The following TDRKH variants were observed in gnomAD, a reference collection of about 807,000 sequenced individuals.
The protein encoded by TDRKH is tudor and KH domain-containing protein.
TDRKH carries 28 observed loss-of-function variants against 61.3 expected under a neutral mutation model. The observed-to-expected ratio is 0.46, with a 90% CI of 0.34 to 0.63. The LOEUF (loss-of-function observed/expected upper bound fraction) is 0.63. Ranked by LOEUF, TDRKH falls within the 20% of genes least tolerant of loss-of-function variation. TDRKH has a pLI of 0.01. For missense variants in TDRKH, 540 were observed against 683.4 expected (o/e 0.79, Z 2.34); for synonymous variants, 219 against 244.4 (o/e 0.90, Z 0.97).
At chr1:151,789,510 T>C (rs1217567558) in intron 1 of TDRKH, among the ~76,000 whole-genome samples, 1 of 152,208 alleles carries the variant, frequency 6.6e-6, no homozygotes, top group Non-Finnish European at 1.5e-5. Flanking sequence ...GAAGAGAAGA[T>C]GAGGATCATT....
At chr1:151,786,343 A>G (rs964743045) in intron 1 of TDRKH, among the ~76,000 whole-genome samples, 6 of 152,238 alleles carry the variant, frequency 3.9e-5, no homozygotes, top group Admixed American at 6.5e-5. Context: ...TCTGATAACC[A>G]AGATGGCTAC....
In TDRKH at chr1:151,776,508, G is replaced by C. The variant is rs772266615; in HGVS notation, c.975C>G (p.Ile325Met). Residue 325 changes from isoleucine to methionine, a missense_variant, in exon 7 of 13, where the codon ATC becomes ATG. Transcript: ENST00000368824. The part of the protein sequence containing the change: ...SEHPNHFWIQ[I>M]VGSRSLQLDK... ...CCAATTGCAGGCTGCGGGAGCCAAC[G>C]ATCTGGATCCAGAAGTGGTTAGGGT... The C allele has an allele frequency of 1.3e-5, 21 of 1,614,022 alleles. No homozygotes were observed. The South Asian group carries it at 2.1e-4, about 16-fold the overall frequency.
downstream of TDRKH, chr1:151,766,873 C>T: frequency 6.2e-7 from 1 of 1,611,266 alleles, no homozygotes; most frequent in Non-Finnish European, 8.5e-7. Context: ...AAGATGCTGC[C>T]TCGTTGTTAT....
At chr1:151,782,838 A>G (rs1649963079) in intron 2 of TDRKH, 61 bp downstream of exon 2, 13 of 1,483,028 alleles carry the variant, frequency 8.8e-6, no homozygotes, top group Non-Finnish European at 1.2e-5. Context: ...GTTTTTTTCA[A>G]TTTAACAAGG....
At chr1:151,772,610 C>T (rs1234294970), downstream of TDRKH, among the ~76,000 whole-genome samples, 1 of 152,172 alleles carries the variant, frequency 6.6e-6, no homozygotes, top group Admixed American at 6.5e-5. Context: ...CATTACTATA[C>T]ATTTATATTT....
In TDRKH at chr1:151,775,884, C is replaced by T. The variant is rs752477288; in HGVS notation, c.1218G>A (p.Arg406=). The stretch of plus-strand genomic sequence containing the variant: ...GAAATGGAAGGCTTAGGAAGTCACT[C>T]CTGAAGTAAAAGAAACTAAAATTAG... ...DCPLKDLRAL[R]SDFLSLPFQA... The change falls in exon 9 of 13, where the codon AGG becomes AGA. Residue 406 remains arginine (R), a splice_region_variant and synonymous_variant. Transcript: ENST00000368824. The T allele has an allele frequency of 1.5e-5, 24 of 1,611,552 alleles. No homozygotes were observed. The South Asian group carries it at 2.4e-4, about 16-fold the overall frequency.
At chr1:151,768,271 G>A (rs748020809), downstream of TDRKH, 20 of 1,579,550 alleles carry the variant, frequency 1.3e-5, no homozygotes, top group East Asian at 1.8e-4. Flanking sequence ...GAGGGAATAG[G>A]TAGGGGATTT....
Position 151,773,802 on chromosome 1 carries a change from C to G in TDRKH, c.*650G>C, listed in dbSNP as rs1345988212. ...ATTATGCTAATTTTTGCCTTTGCCT[C>G]CTGATTCAACTGGAGTCTTTGAGTT... On this transcript the variant is annotated 3_prime_UTR_variant, in exon 13 of 13. Transcript: ENST00000368824. The G allele has an allele frequency of 1.3e-5, 2 of 152,174 alleles. No individual in the cohort carries two copies. Among genetic ancestry groups the G allele is most frequent in the Non-Finnish European group, 2.9e-5 (2 of 68,038 alleles). The allele number at this position is 152,174 out of a possible 1,614,324, so 9.4% of individuals were successfully genotyped here. A position where few individuals can be genotyped will look rare whatever the true frequency, so the allele number is the denominator to read the frequency against.
At chr1:151,770,742 T>C (rs1781422), downstream of TDRKH, among the ~76,000 whole-genome samples, 150,346 of 152,358 alleles carry the variant, frequency 0.99, 74,214 homozygotes, top group East Asian at 1. Context: ...GCTTACTATG[T>C]CATCATTGTA....
chr1:151,779,950 C>G lies in TDRKH; in HGVS notation c.421+1G>C. 2 of 1,608,092 alleles carry G rather than the reference C, an allele frequency of 1.2e-6. No individual in the cohort carries two copies. Among genetic ancestry groups the G allele is most frequent in the South Asian group, 2.2e-5 (2 of 90,736 alleles). Reference sequence around the variant, plus strand: ...CAATAGAGGAAGCCATCCAGTGGTACCTATGATTCTGCCCACAGATCTCTG... The same window carrying G: ...CAATAGAGGAAGCCATCCAGTGGTAGCTATGATTCTGCCCACAGATCTCTG... On this transcript the variant is annotated splice_donor_variant, in intron 4 of 12. Coordinates refer to ENST00000368824, the MANE Select transcript of TDRKH (RefSeq NM_001083965.2). LOFTEE classifies it high-confidence loss of function.
intron 1 of TDRKH, among the ~76,000 whole-genome samples, chr1:151,785,691 G>A (rs1409867084): frequency 6.6e-6 from 1 of 152,096 alleles, no homozygotes; most frequent in Non-Finnish European, 1.5e-5. Context: ...AAAAAACCTT[G>A]TAAAGTGATT....
intron 1 of TDRKH, among the ~76,000 whole-genome samples, chr1:151,790,062 G>A (rs943184615): frequency 6.6e-6 from 1 of 152,174 alleles, no homozygotes; most frequent in Non-Finnish European, 1.5e-5. Context: ...AGTGATATAC[G>A]GATGGCAGCT....
intron 1 of TDRKH, among the ~76,000 whole-genome samples, chr1:151,789,487 T>C (rs1356125454): frequency 6.6e-6 from 1 of 152,198 alleles, no homozygotes; most frequent in Non-Finnish European, 1.5e-5. Context: ...CCACAGTTTC[T>C]AGGGGAAGCT....
chr1:151,782,804 C>T (rs1649957548), intron 2 of TDRKH, 95 bp downstream of exon 2: 4 of 1,436,226 alleles, frequency 2.8e-6, no homozygotes, highest in Non-Finnish European at 3.7e-6. Context: ...AAACAAAACA[C>T]ACACAATACC....
rs189854352 is a variant in TDRKH, at chr1:151,789,042, T to A, written c.-28+1338A>T. On this transcript the variant is annotated intron_variant, in intron 1 of 12. Coordinates refer to ENST00000368824, the MANE Select transcript of TDRKH (RefSeq NM_001083965.2). ...ATGATGGAGATGGAGAACAGATGAA[T>A]TGGAGAGTTTGTTGTTGTTTATTTA... 1.5e-3 allele frequency among the ~76,000 whole-genome samples: 223 copies of A among 152,264 alleles called. 3 individuals are homozygous for A. The highest frequency in any genetic ancestry group is 1.9e-3 in the Non-Finnish European group (129 of 68,016).
At chr1:151,782,814 C>G in intron 2 of TDRKH, 85 bp downstream of exon 2, 1 of 1,454,192 alleles carries the variant, frequency 6.9e-7, no homozygotes, top group Non-Finnish European at 9.1e-7. Context: ...CACACAATAC[C>G]TGGCAAGGAA....
chr1:151,785,362 A>T (rs1345223683), intron 1 of TDRKH, among the ~76,000 whole-genome samples: 2 of 152,160 alleles, frequency 1.3e-5, no homozygotes, highest in Non-Finnish European at 2.9e-5. Context: ...CAGTTCTATG[A>T]CCCTGCTCTA....
At chr1:151,766,782 A>T, downstream of TDRKH, 5 of 1,577,762 alleles carry the variant, frequency 3.2e-6, no homozygotes, top group Non-Finnish European at 3.4e-6. Context: ...GAGGGGAAAA[A>T]CACGTAACTA....
rs1649989404 is a variant in TDRKH at position 151,783,044 on chromosome 1, T to C, written c.-22A>G. 3 of 1,607,654 alleles carry C rather than the reference T, an allele frequency of 1.9e-6. No homozygotes were observed. The Admixed American group carries it at 5.1e-5, about 27-fold the overall frequency. ...ACATTTTCTGCTGTACTCTTTGACT[T>C]ATATCCTGAAACAAGCAAAGCAGGG... On this transcript the variant is annotated 5_prime_UTR_variant, in exon 2 of 13. It adds an upstream start codon to the 5' untranslated region. Transcript: ENST00000368824.
Sources: gnomAD v4.1 joint callset for allele counts (sites outside exome capture counted in the v4.1 genomes callset) on GRCh38, gnomAD v4.1.1 for gene constraint, MANE v1.5 for transcripts, NCBI Gene and HGNC (gene_info 2026-07-23, HGNC 2026-07-21) for gene names.